The following DHX29 variants were observed in gnomAD, a reference collection of about 807,000 sequenced individuals.
DHX29 encodes the protein DExH-box helicase 29, also known as ATP-dependent RNA helicase DHX29.
A neutral mutation model predicts 167.9 loss-of-function variants in DHX29; 79 were observed. The observed-to-expected ratio is 0.47, with a 90% CI of 0.39 to 0.57. The LOEUF (loss-of-function observed/expected upper bound fraction) is 0.57, where lower values mean the gene tolerates loss of function less well. DHX29 is among the 20% of genes least tolerant of loss of function. DHX29 has a pLI of 0.00. For missense variants in DHX29, 1,347 were observed against 1,593.4 expected (o/e 0.85, Z 2.63); for synonymous variants, 530 against 546.0 (o/e 0.97, Z 0.41).
intron 1 of DHX29, among the ~76,000 whole-genome samples, chr5:55,301,539 C>A (rs1471057460): frequency 6.6e-6 from 1 of 151,560 alleles, no homozygotes; most frequent in East Asian, 1.9e-4. Context: ...CATGGAGAAA[C>A]CCCATCTCTA....
Position 55,259,900 on chromosome 5 carries a change from G to T in DHX29, c.4005C>A (p.Leu1335=). 1 of 1,612,978 alleles carries T rather than the reference G, an allele frequency of 6.2e-7. No individual in the cohort carries two copies. Among genetic ancestry groups the T allele is most frequent in the South Asian group, 1.1e-5 (1 of 91,004 alleles). Residue 1335 remains leucine (L), a synonymous_variant, in exon 26 of 27, where the codon CTC becomes CTA. Transcript: ENST00000251636. Reference sequence around the variant, plus strand: ...GCTTTTTTCTTAAAACTGAATCAATGAGAACTCTCAGCTGCTTGAAAATGA... The same window carrying T: ...GCTTTTTTCTTAAAACTGAATCAATTAGAACTCTCAGCTGCTTGAAAATGA... ...IAVIFKQLRV[L]IDSVLRKKLE...
At chr5:55,301,451 C>T (rs1018743355) in intron 1 of DHX29, among the ~76,000 whole-genome samples, 3 of 151,690 alleles carry the variant, frequency 2.0e-5, no homozygotes, top group Admixed American at 6.6e-5. Flanking sequence ...TGGTGGCTCA[C>T]GCCTGTAATC....
chr5:55,268,489 A>G (rs944333353), intron 21 of DHX29, among the ~76,000 whole-genome samples: 6 of 152,128 alleles, frequency 3.9e-5, no homozygotes, highest in Non-Finnish European at 7.4e-5. Flanking sequence ...CAGTGGCCCA[A>G]TCATAGCTCA....
intron 20 of DHX29, among the ~76,000 whole-genome samples, chr5:55,270,140 C>T (rs1436550863): frequency 6.6e-6 from 1 of 152,042 alleles, no homozygotes; most frequent in East Asian, 1.9e-4. Flanking sequence ...TATCTCCTGA[C>T]ATTGCCCAAT....
chr5:55,283,609 G>T lies in DHX29; in HGVS notation c.1559C>A (p.Pro520His). The stretch of plus-strand genomic sequence containing the variant: ...AACTAAATTTTCCCAAGATTCCTCG[G>T]GATCTTCAGAGTTTTCTCTCTTATT... ...SENKRENSED[P>H]EESWENLVSD... Residue 520 changes from proline to histidine, a missense_variant, in exon 11 of 27, where the codon CCC becomes CAC. Coordinates refer to ENST00000251636, the MANE Select transcript of DHX29 (RefSeq NM_019030.4). 1.2e-6 allele frequency: 2 copies of T among 1,614,032 alleles called. No individual in the cohort carries two copies. Among genetic ancestry groups the T allele is most frequent in the Non-Finnish European group, 8.5e-7 (1 of 1,180,006 alleles).
intron 26 of DHX29, among the ~76,000 whole-genome samples, chr5:55,257,122 A>C (rs2111763349): frequency 6.6e-6 from 1 of 152,316 alleles, no homozygotes; most frequent in South Asian, 2.1e-4. Context: ...TAATTTGACA[A>C]ACAGAGCAAC....
At position 55,290,259 on chromosome 5, in the gene DHX29, CCTTG is replaced by C; in HGVS notation, c.862_865del (p.Gln288AlafsTer9). The stretch of plus-strand genomic sequence containing the variant: ...TATTTTTTCCTGAGCCTCTTTTTGG[CCTTG>C]CTTGTTTTTTTCTAGTTTAAAGGTA... On this transcript the variant is annotated frameshift_variant, in exon 7 of 27. Coordinates refer to ENST00000251636, the MANE Select transcript of DHX29 (RefSeq NM_019030.4). LOFTEE classifies it high-confidence loss of function. 1 of 1,610,966 alleles carries C rather than the reference CCTTG, an allele frequency of 6.2e-7. No homozygotes were observed. Among genetic ancestry groups the C allele is most frequent in the Non-Finnish European group, 8.5e-7 (1 of 1,179,458 alleles).
chr5:55,293,790 T>A (rs1051627869), intron 6 of DHX29, among the ~76,000 whole-genome samples: 5 of 152,192 alleles, frequency 3.3e-5, no homozygotes, highest in Non-Finnish European at 7.4e-5. Context: ...AAAATCATTT[T>A]AAAATATTTG....
At chr5:55,282,189 C>A (rs1747465014) in intron 11 of DHX29, among the ~76,000 whole-genome samples, 1 of 152,166 alleles carries the variant, frequency 6.6e-6, no homozygotes, top group East Asian at 1.9e-4. Context: ...GAATTAATTT[C>A]TTCCTAAATA....
In DHX29 at chr5:55,285,861, T is replaced by C; in HGVS notation, c.1067A>G (p.Asp356Gly). Reference protein sequence around the residue: ...KSAAATEEEKDKKKEPHDVRN... With the variant: ...KSAAATEEEKGKKKEPHDVRN... ...TACATCATGAGGTTCTTTCTTTTTA[T>C]CTAAAATGGTAAACAAAGATTGGTT... is the stretch of plus-strand genomic sequence containing the variant. The change falls in exon 9 of 27, where the codon GAT (aspartate) becomes GGT (glycine). Residue 356 changes from aspartate (D) to glycine (G), a missense_variant and splice_region_variant. Physicochemically the swap from Asp to Gly is moderately conservative, Grantham distance 94. Transcript: ENST00000251636. The C allele has an allele frequency of 6.5e-7, 1 of 1,548,990 alleles. No individual in the cohort carries two copies. Among genetic ancestry groups the C allele is most frequent in the Non-Finnish European group, 8.8e-7 (1 of 1,141,548 alleles).
chr5:55,281,300 A>C, intron 12 of DHX29, 72 bp downstream of exon 12: 1 of 1,254,528 alleles, frequency 8.0e-7, no homozygotes, highest in Non-Finnish European at 1.0e-6. Flanking sequence ...AATGTTATCT[A>C]GTATTAGGAG....
chr5:55,281,046 AC>A (rs1177614215), intron 12 of DHX29, among the ~76,000 whole-genome samples: 1 of 149,198 alleles, frequency 6.7e-6, no homozygotes, highest in African/African-American at 2.5e-5. Flanking sequence ...ACACACACAC[AC>A]ATGCTATATG....
chr5:55,288,527 A>G (rs2111922334), intron 8 of DHX29, among the ~76,000 whole-genome samples: 1 of 152,084 alleles, frequency 6.6e-6, no homozygotes, highest in South Asian at 2.1e-4. Context: ...AAAAACTATA[A>G]TGCAAATTAT....
At chr5:55,270,191 A>C (rs1165067133) in intron 20 of DHX29, among the ~76,000 whole-genome samples, 1 of 152,128 alleles carries the variant, frequency 6.6e-6, no homozygotes, top group Non-Finnish European at 1.5e-5. Flanking sequence ...GAGAACTACT[A>C]GTCTAGATTA....
chr5:55,261,412 G>T lies in DHX29; in HGVS notation c.3916C>A (p.His1306Asn). Residue 1306 changes from histidine to asparagine, a missense_variant, in exon 25 of 27, where the codon CAC becomes AAC. His to Asn is a moderately conservative substitution (Grantham distance 68). This residue lies in a region of DHX29 where 882 missense variants were observed against 1,082.4 expected (regional missense o/e 0.81). Coordinates refer to ENST00000251636, the MANE Select transcript of DHX29 (RefSeq NM_019030.4). ...LLFGGDIEVQ[H>N]RERLLSIDGW... ...TCAATAGAAAGAAGACGTTCTCGGT[G>T]CTGAACTTCTATATCACCACCAAAA... The T allele has an allele frequency of 6.3e-7, 1 of 1,578,876 alleles. No individual in the cohort carries two copies. The highest frequency in any genetic ancestry group is 8.7e-7 in the Non-Finnish European group (1 of 1,148,796).
At chr5:55,271,572 G>A (rs1193248568) in intron 18 of DHX29, among the ~76,000 whole-genome samples, 1 of 152,234 alleles carries the variant, frequency 6.6e-6, no homozygotes, top group African/African-American at 2.4e-5. Context: ...GGTGGAGGCT[G>A]CAGTGAGACT....
chr5:55,289,549 A>T, intron 7 of DHX29, 121 bp from the exon 8 acceptor site: 1 of 715,258 alleles, frequency 1.4e-6, no homozygotes, highest in Non-Finnish European at 2.0e-6. Context: ...CTTATTTTTT[A>T]AAATGATTAA....
Position 55,281,077 on chromosome 5 carries a change from ACACG to A in DHX29, c.2109+291_2109+294del, listed in dbSNP as rs780494290. On this transcript the variant is annotated intron_variant, in intron 12 of 26. Transcript: ENST00000251636. ...TATATGTATATACACACACACACAC[ACACG>A]CTATATATAACCCTTTGAATAGCAA... Among the ~76,000 whole-genome samples the A allele has an allele frequency of 3.0e-3, 448 of 148,048 alleles. 3 individuals are homozygous for A. Among genetic ancestry groups the A allele is most frequent in the Non-Finnish European group, 2.3e-3 (152 of 67,320 alleles).
At chr5:55,270,728 G>A in intron 18 of DHX29, 22 bp from the exon 19 acceptor site, 2 of 1,589,530 alleles carry the variant, frequency 1.3e-6, no homozygotes, top group Non-Finnish European at 1.7e-6. Context: ...TTTTAGGAGA[G>A]AATATGTAGA....
Sources: gnomAD v4.1 joint callset for allele counts (sites outside exome capture counted in the v4.1 genomes callset) on GRCh38, gnomAD v4.1.1 for gene constraint, gnomAD v4.1.1 regional missense constraint, MANE v1.5 for transcripts, NCBI Gene and HGNC (gene_info 2026-07-23, HGNC 2026-07-21) for gene names.